The following PDE4D variants were observed in gnomAD, a reference collection of about 807,000 sequenced individuals.
PDE4D encodes 3',5'-cyclic-AMP phosphodiesterase 4D.
Under a neutral mutation model 87.4 loss-of-function variants are expected in PDE4D, and 24 were observed. The ratio of observed to expected loss-of-function variants is 0.27; its 90% CI spans 0.20 to 0.39. The LOEUF is 0.39. Ranked by LOEUF, PDE4D falls within the 10% of genes least tolerant of loss-of-function variation. The pLI is 1.00. For missense variants in PDE4D, 714 were observed against 1,041.0 expected (o/e 0.69, Z 4.32); for synonymous variants, 384 against 383.2 (o/e 1.00, Z -0.02).
At chr5:59,265,714 T>G (rs1225126208) in intron 1 of PDE4D, among the ~76,000 whole-genome samples, 12 of 152,048 alleles carry the variant, frequency 7.9e-5, no homozygotes, top group Admixed American at 7.9e-4. Flanking sequence ...GAAATTATCT[T>G]ATTTGCCACT....
intron 1 of PDE4D, among the ~76,000 whole-genome samples, chr5:60,366,366 C>T (rs1760543330): frequency 6.6e-6 from 1 of 152,096 alleles, no homozygotes; most frequent in African/African-American, 2.4e-5. Flanking sequence ...AGAAGAAAGT[C>T]AGATCATACA....
intron 1 of PDE4D, among the ~76,000 whole-genome samples, chr5:59,616,252 T>C (rs1340331709): frequency 2.0e-5 from 3 of 152,170 alleles, no homozygotes; most frequent in Non-Finnish European, 4.4e-5. Context: ...ATGCTGGCTT[T>C]TTAAAACAAT....
chr5:60,419,696 T>C (rs920686744), intron 1 of PDE4D, among the ~76,000 whole-genome samples: 4 of 152,218 alleles, frequency 2.6e-5, no homozygotes, highest in African/African-American at 9.6e-5. Flanking sequence ...TTGATACCTA[T>C]ATATTTCTGC....
intron 2 of PDE4D, among the ~76,000 whole-genome samples, chr5:60,071,472 T>C (rs1293732573): frequency 6.6e-6 from 1 of 152,114 alleles, no homozygotes; most frequent in African/African-American, 2.4e-5. Context: ...AAAAGTCTTT[T>C]TCACAAATAT....
chr5:59,700,944 C>T (rs1365555962), intron 1 of PDE4D, among the ~76,000 whole-genome samples: 2 of 152,208 alleles, frequency 1.3e-5, no homozygotes, highest in African/African-American at 4.8e-5. Flanking sequence ...TATTTATTCT[C>T]CATTCAGCCC....
At chr5:60,355,034 A>G (rs1210617799) in intron 1 of PDE4D, among the ~76,000 whole-genome samples, 1 of 152,172 alleles carries the variant, frequency 6.6e-6, no homozygotes, top group East Asian at 1.9e-4. Context: ...AATGCCATGT[A>G]ACATAGGAGG....
chr5:59,704,823 T>G (rs936592164), intron 1 of PDE4D, among the ~76,000 whole-genome samples: 3 of 152,172 alleles, frequency 2.0e-5, no homozygotes, highest in African/African-American at 7.2e-5. Context: ...CATAAAAGTA[T>G]CATAATCCAA....
At chr5:60,258,205 T>C (rs1179902267) in intron 1 of PDE4D, among the ~76,000 whole-genome samples, 1 of 151,960 alleles carries the variant, frequency 6.6e-6, no homozygotes, top group Non-Finnish European at 1.5e-5. Context: ...TACACTATCC[T>C]TGGGCATCAG....
At chr5:60,379,675 C>G (rs1232836437) in intron 1 of PDE4D, among the ~76,000 whole-genome samples, 1 of 152,138 alleles carries the variant, frequency 6.6e-6, no homozygotes, top group Non-Finnish European at 1.5e-5. Flanking sequence ...TGTAGGAAGT[C>G]TTTTAGTAAA....
chr5:59,977,269 G>A (rs999688247), intron 3 of PDE4D, among the ~76,000 whole-genome samples: 4 of 152,318 alleles, frequency 2.6e-5, no homozygotes, highest in Middle Eastern at 3.4e-3. Context: ...GGTGAACACA[G>A]AAATGACAAG....
chr5:59,944,631 A>G (rs1757547993), intron 3 of PDE4D, among the ~76,000 whole-genome samples: 2 of 152,166 alleles, frequency 1.3e-5, no homozygotes, highest in Non-Finnish European at 2.9e-5. Flanking sequence ...TTGGCCTCCC[A>G]AAGTGCTGGG....
chr5:59,012,923 T>C (rs1753131418), intron 6 of PDE4D, among the ~76,000 whole-genome samples: 3 of 152,252 alleles, frequency 2.0e-5, no homozygotes, highest in East Asian at 1.9e-4. Context: ...CCTCAGCAAA[T>C]GTAATAGAAC....
intron 1 of PDE4D, among the ~76,000 whole-genome samples, chr5:59,268,408 G>A (rs1763218638): frequency 6.6e-6 from 1 of 151,960 alleles, no homozygotes; most frequent in South Asian, 2.1e-4. Context: ...ACTGGCACGG[G>A]CTCTCATTAG....
chr5:58,979,506 G>A (rs572574746), intron 11 of PDE4D, among the ~76,000 whole-genome samples: 3 of 152,224 alleles, frequency 2.0e-5, no homozygotes, highest in Admixed American at 6.5e-5. Flanking sequence ...ATTTAAATTG[G>A]GAGGTAGGAG....
In PDE4D at chr5:60,337,386, T is replaced by TACACACAC. The variant is rs1370710315; in HGVS notation, c.-90+150555_-90+150556insGTGTGTGT. Among the ~76,000 whole-genome samples the TACACACAC allele has an allele frequency of 6.1e-3, 562 of 92,048 alleles. 8 individuals are homozygous for TACACACAC. Among genetic ancestry groups the TACACACAC allele is most frequent in the African/African-American group, 0.019 (495 of 25,736 alleles). 60.4% of individuals were successfully genotyped at this position (92,048 alleles called of 152,430 possible). ...ATATATATATATATATATATATATA[T>TACACACAC]ATACACACACACACACACACATATA... On this transcript the variant is annotated intron_variant, in intron 1 of 16. Transcript: ENST00000502484.
intron 1 of PDE4D, among the ~76,000 whole-genome samples, chr5:59,750,621 T>C (rs1042038189): frequency 7.2e-5 from 11 of 152,166 alleles, no homozygotes; most frequent in Admixed American, 3.9e-4. Context: ...TATTTGTGTG[T>C]TGTCTTCTCC....
chr5:59,299,974 T>A (rs2153559723), intron 1 of PDE4D, among the ~76,000 whole-genome samples: 1 of 151,988 alleles, frequency 6.6e-6, no homozygotes, highest in African/African-American at 2.4e-5. Flanking sequence ...TAGCCAGGCG[T>A]GGTGTCCCGT....
At chr5:59,126,161 AGAAG>A (rs1037027709) in intron 5 of PDE4D, among the ~76,000 whole-genome samples, 3 of 151,768 alleles carry the variant, frequency 2.0e-5, no homozygotes, top group African/African-American at 7.3e-5. Context: ...AAGGAAGGGA[AGAAG>A]GAAGGAAGGA....
chr5:60,339,391 A>G lies in PDE4D; in HGVS notation c.-90+148551T>C, dbSNP rs559552861. Among the ~76,000 whole-genome samples the G allele has an allele frequency of 9.8e-5, 15 of 152,304 alleles. No individual in the cohort carries two copies. The South Asian group carries it at 2.7e-3, about 27-fold the overall frequency. On this transcript the variant is annotated intron_variant, in intron 1 of 16. Transcript: ENST00000502484. ...GGACCTCCAGGCGAGTCACATGGACAGCATGGACATGCTGGACAAAGGGAT... is the reference window on the plus strand; with the variant it reads ...GGACCTCCAGGCGAGTCACATGGACGGCATGGACATGCTGGACAAAGGGAT...
Sources: gnomAD v4.1 joint callset for allele counts (sites outside exome capture counted in the v4.1 genomes callset) on GRCh38, gnomAD v4.1.1 for gene constraint, MANE v1.5 for transcripts, NCBI Gene and HGNC (gene_info 2026-07-23, HGNC 2026-07-21) for gene names.